Variants in TACC2 observed in about 807,000 individuals in gnomAD.
The protein encoded by TACC2 is transforming acidic coiled-coil containing protein 2.
In TACC2, 137 loss-of-function variants were observed where a neutral mutation model predicts 227.3. That is an observed-to-expected ratio of 0.60 (90% CI 0.52 to 0.69). TACC2 has a LOEUF of 0.69. Ranked by LOEUF, TACC2 falls within the 30% of genes least tolerant of loss-of-function variation. The pLI, the probability that TACC2 is intolerant of heterozygous loss-of-function variation, is 0.00. For missense variants in TACC2, 3,470 were observed against 3,694.4 expected (o/e 0.94, Z 1.57); for synonymous variants, 1,523 against 1,487.5 (o/e 1.02, Z -0.55).
chr10:122,096,322 C>T (rs577397874), intron 5 of TACC2, among the ~76,000 whole-genome samples: 11 of 152,216 alleles, frequency 7.2e-5, no homozygotes, highest in Admixed American at 2.6e-4. Flanking sequence ...CCCTGGATGG[C>T]CCCATGAACT....
At chr10:122,089,055 G>T (rs1228524249) in intron 5 of TACC2, among the ~76,000 whole-genome samples, 1 of 152,136 alleles carries the variant, frequency 6.6e-6, no homozygotes, top group Non-Finnish European at 1.5e-5. Flanking sequence ...GGAGGTGAAG[G>T]TTGCAGTGAG....
intron 3 of TACC2, among the ~76,000 whole-genome samples, chr10:122,078,537 A>T (rs952233684): frequency 6.6e-6 from 1 of 152,202 alleles, no homozygotes; most frequent in African/African-American, 2.4e-5. Flanking sequence ...TGGAGGCTCT[A>T]GTCCCTGGGC....
At chr10:122,063,736 G>A (rs755446444) in intron 3 of TACC2, among the ~76,000 whole-genome samples, 29 of 151,606 alleles carry the variant, frequency 1.9e-4, no homozygotes, top group Non-Finnish European at 1.6e-4. Flanking sequence ...TTTATTGATT[G>A]TGAGATAGCT....
chr10:122,225,961 C>T (rs561119014), intron 12 of TACC2, among the ~76,000 whole-genome samples: 3 of 152,296 alleles, frequency 2.0e-5, no homozygotes, highest in East Asian at 3.9e-4. Flanking sequence ...CAGGCCCTGC[C>T]CCTGCCCTGG....
chr10:122,078,294 A>G (rs923350172), intron 3 of TACC2, among the ~76,000 whole-genome samples: 4 of 143,044 alleles, frequency 2.8e-5, no homozygotes, highest in African/African-American at 1.1e-4. Context: ...GCTTTGCTTT[A>G]TGGTTTTGCC....
At chr10:122,143,764 C>G in intron 7 of TACC2, 58 bp downstream of exon 7, 1 of 1,579,364 alleles carries the variant, frequency 6.3e-7, no homozygotes, top group Non-Finnish European at 8.6e-7. Context: ...GCCTGGTGGT[C>G]TCTGCCCCCT....
chr10:122,145,545 T>C (rs1258471081), intron 7 of TACC2, among the ~76,000 whole-genome samples: 1 of 152,082 alleles, frequency 6.6e-6, no homozygotes, highest in Non-Finnish European at 1.5e-5. Context: ...CATGAAGAGA[T>C]CTTTGTGGGG....
At chr10:122,066,620 C>A (rs1270466493) in intron 3 of TACC2, among the ~76,000 whole-genome samples, 1 of 152,058 alleles carries the variant, frequency 6.6e-6, no homozygotes, top group Non-Finnish European at 1.5e-5. Context: ...CTAGACTGGT[C>A]TCAAACTCCT....
chr10:122,149,209 C>T (rs1311285971), intron 7 of TACC2, among the ~76,000 whole-genome samples: 1 of 152,204 alleles, frequency 6.6e-6, no homozygotes, highest in Non-Finnish European at 1.5e-5. Context: ...TGGGTGTGAG[C>T]CCACGCAAGC....
At chr10:122,049,966 C>T (rs147202937) in intron 2 of TACC2, among the ~76,000 whole-genome samples, 52 of 152,234 alleles carry the variant, frequency 3.4e-4, no homozygotes, top group African/African-American at 1.1e-3. Flanking sequence ...TCTAAGCGTT[C>T]ATGGTTTTCT....
Position 122,086,149 on chromosome 10 carries a change from C to T in TACC2, c.3649C>T (p.Pro1217Ser), listed in dbSNP as rs374980249. 3.1e-5 allele frequency: 50 copies of T among 1,613,488 alleles called. No homozygotes were observed. The highest frequency in any genetic ancestry group is 3.4e-5 in the Non-Finnish European group (40 of 1,179,982). Residue 1217 changes from proline to serine, a missense_variant, in exon 4 of 23, where the codon CCA (proline) becomes TCA (serine). Coordinates refer to ENST00000369005, the MANE Select transcript of TACC2 (RefSeq NM_206862.4). The stretch of plus-strand genomic sequence containing the variant: ...GGATTTTTCTACACACCAGGCTGTC[C>T]CAGACCCAAAGGAGCTCCTGCTGTC... Reference protein sequence around the residue: ...TMDFSTHQAVPDPKELLLSGP... With the variant: ...TMDFSTHQAVSDPKELLLSGP...
intron 7 of TACC2, among the ~76,000 whole-genome samples, chr10:122,164,443 G>A (rs1234187074): frequency 6.6e-6 from 1 of 152,230 alleles, no homozygotes; most frequent in African/African-American, 2.4e-5. Flanking sequence ...TCTGGTGGAC[G>A]TTCCGTCTAG....
chr10:122,013,971 A>G (rs1055950014), intron 1 of TACC2, among the ~76,000 whole-genome samples: 1 of 152,216 alleles, frequency 6.6e-6, no homozygotes, highest in Admixed American at 6.5e-5. Context: ...AAATTATTCT[A>G]TGTAGGAGAA....
chr10:122,050,531 G>C lies in TACC2; in HGVS notation c.127G>C (p.Asp43His). 1 of 1,613,976 alleles carries C rather than the reference G, an allele frequency of 6.2e-7. No homozygotes were observed. The highest frequency in any genetic ancestry group is 8.5e-7 in the Non-Finnish European group (1 of 1,179,990). Residue 43 changes from aspartate (D) to histidine (H), a missense_variant, in exon 3 of 23, where the codon GAC (aspartate) becomes CAC (histidine). By Grantham distance (81) the Asp-to-His change is moderately conservative. This residue lies in a region of TACC2 where 405 missense variants were observed against 389.6 expected (regional missense o/e 1.04). Transcript: ENST00000369005. This position sits in a 1 kb window ranked among gnomAD's most constrained non-coding sequence, Gnocchi z 4.6. ...GCAGCAGGACACGCCCGGAAGCCCT[G>C]ACCACAGAGACGCGTCCAGGTAGGA... Reference protein sequence around the residue: ...RKQQDTPGSPDHRDASSIGSV... With the variant: ...RKQQDTPGSPHHRDASSIGSV...
Position 122,083,395 on chromosome 10 carries a change from T to G in TACC2, c.895T>G (p.Tyr299Asp), listed in dbSNP as rs1565240698. Residue 299 changes from tyrosine (Y) to aspartate (D), a missense_variant, in exon 4 of 23, where the codon TAT becomes GAT. This residue lies in a region of TACC2 where 405 missense variants were observed against 389.6 expected (regional missense o/e 1.04). Transcript: ENST00000369005. ...AGGCCAAGGGGAGGCGCCGCCTCAG[T>G]ATTTAACAGATGACTTGGAATTCCT... is the stretch of plus-strand genomic sequence containing the variant. ...ERGQGEAPPQ[Y>D]LTDDLEFLRA... The G allele has an allele frequency of 6.2e-7, 1 of 1,613,828 alleles. No individual in the cohort carries two copies. Among genetic ancestry groups the G allele is most frequent in the Middle Eastern group, 1.6e-4 (1 of 6,062 alleles).
intron 7 of TACC2, among the ~76,000 whole-genome samples, chr10:122,173,839 C>G: frequency 6.6e-6 from 1 of 152,230 alleles, no homozygotes; most frequent in East Asian, 1.9e-4. Flanking sequence ...GGAGCACACA[C>G]CATGAAAGCC....
In TACC2 at chr10:122,172,075, C is replaced by T. The variant is rs570443346; in HGVS notation, c.5835-22965C>T. On this transcript the variant is annotated intron_variant, in intron 7 of 22. Coordinates refer to ENST00000369005, the MANE Select transcript of TACC2 (RefSeq NM_206862.4). ...GTGGTTGGACAAACATGTGGGCTCT[C>T]GGTACCTGACACCTGTTGAGACTGG... 1.2e-4 allele frequency among the ~76,000 whole-genome samples: 19 copies of T among 152,230 alleles called. No individual in the cohort carries two copies. The South Asian group carries it at 2.3e-3, about 18-fold the overall frequency.
At chr10:122,066,291 G>C (rs1002116662) in intron 3 of TACC2, among the ~76,000 whole-genome samples, 1 of 105,616 alleles carries the variant, frequency 9.5e-6, no homozygotes, top group Non-Finnish European at 2.0e-5. Flanking sequence ...TTTTTTTTTT[G>C]AGACAGAGTC....
At chr10:122,008,022 G>A (rs1391293848) in intron 1 of TACC2, among the ~76,000 whole-genome samples, 3 of 152,122 alleles carry the variant, frequency 2.0e-5, no homozygotes, top group African/African-American at 7.2e-5. Context: ...CCCTCACCGC[G>A]TGTGGCTCCT....
Sources: gnomAD v4.1 joint callset for allele counts (sites outside exome capture counted in the v4.1 genomes callset) on GRCh38, gnomAD v4.1.1 for gene constraint, gnomAD v4.1.1 regional missense constraint, Gnocchi (gnomAD v3.1) non-coding constraint, MANE v1.5 for transcripts, NCBI Gene and HGNC (gene_info 2026-07-23, HGNC 2026-07-21) for gene names.